The following RASGRP4 variants were observed in gnomAD, a reference collection of about 807,000 sequenced individuals.
The protein encoded by RASGRP4 is RAS guanyl releasing protein 4.
RASGRP4 carries 52 observed loss-of-function variants against 84.4 expected under a neutral mutation model. The observed-to-expected ratio is 0.62, with a 90% CI of 0.49 to 0.78. The LOEUF is 0.78. Among genes scored for constraint, RASGRP4 ranks in the 30% least tolerant of loss-of-function variants. RASGRP4 has a pLI of 0.00. For missense variants in RASGRP4, 760 were observed against 886.9 expected, an observed-to-expected ratio of 0.86 and a Z score of 1.82; for synonymous variants, 356 against 359.1, an observed-to-expected ratio of 0.99 and a Z score of 0.10.
rs2145237581 is a variant in RASGRP4, at chr19:38,422,126, T to A, written c.51A>T (p.Lys17Asn). The change falls in exon 2 of 17, where the codon AAA (lysine) becomes AAT (asparagine). Residue 17 changes from lysine (K) to asparagine (N), a missense_variant. By Grantham distance (94) the Lys-to-Asn change is moderately conservative. Coordinates refer to ENST00000615439, the MANE Select transcript of RASGRP4 (RefSeq NM_170604.3). ...GGCGGGGCCGGCCTCGCCCTCCTATTTTTCCGGTGCATTCCTGGTGGGACT... is the reference window on the plus strand; with the variant it reads ...GGCGGGGCCGGCCTCGCCCTCCTATATTTCCGGTGCATTCCTGGTGGGACT... ...KRKSHQECTG[K>N]IGGRGRPRQV... 6.2e-7 allele frequency: 1 copy of A among 1,611,756 alleles called. No individual in the cohort carries two copies. Among genetic ancestry groups the A allele is most frequent in the Middle Eastern group, 1.7e-4 (1 of 6,052 alleles).
In RASGRP4 at chr19:38,411,117, C is replaced by T. The variant is rs1424343640; in HGVS notation, c.1850G>A (p.Cys617Tyr). 2.5e-6 allele frequency: 4 copies of T among 1,613,408 alleles called. No individual in the cohort carries two copies. Among genetic ancestry groups the T allele is most frequent in the Non-Finnish European group, 3.4e-6 (4 of 1,179,644 alleles). Residue 617 changes from cysteine to tyrosine, a missense_variant and splice_region_variant, in exon 15 of 17, where the codon TGT becomes TAT. By Grantham distance (194) the Cys-to-Tyr change is radical. Transcript: ENST00000615439. ...CACCGGTGTGCTCTAGGTCTTACCA[C>T]AGCTGGCATGGGGAGCTGGTGTGGA... Reference protein sequence around the residue: ...VPSTPAPHASCGSEENHSYTL... With the variant: ...VPSTPAPHASYGSEENHSYTL...
In RASGRP4 at chr19:38,417,022, T is replaced by G; in HGVS notation, c.954+30A>C. ...TGGGGGCTCAAGACAGCTGACCACTTGGAGCTTTGGGGAGGGTAGTGGGAT... is the reference window on the plus strand; with the variant it reads ...TGGGGGCTCAAGACAGCTGACCACTGGGAGCTTTGGGGAGGGTAGTGGGAT... On this transcript the variant is annotated intron_variant, in intron 8 of 16. Coordinates refer to ENST00000615439, the MANE Select transcript of RASGRP4 (RefSeq NM_170604.3). This position sits in a 1 kb window ranked among gnomAD's most constrained non-coding sequence, Gnocchi z 5.1. 43 of 1,341,766 alleles carry G rather than the reference T, an allele frequency of 3.2e-5. No individual in the cohort carries two copies. Among genetic ancestry groups the G allele is most frequent in the Non-Finnish European group, 4.4e-5 (42 of 955,030 alleles). 83.1% of individuals were successfully genotyped at this position (1,341,766 alleles called of 1,614,324 possible). A position where few individuals can be genotyped will look rare whatever the true frequency, so the allele number is the denominator to read the frequency against.
At chr19:38,422,337 G>T (rs945146662) in intron 1 of RASGRP4, among the ~76,000 whole-genome samples, 184 bp from the exon 2 acceptor site, 8 of 152,188 alleles carry the variant, frequency 5.3e-5, no homozygotes, top group African/African-American at 1.9e-4. Context: ...ATCCCTGGGG[G>T]AATCATGGGA....
chr19:38,409,188 G>A lies in RASGRP4; in HGVS notation c.*852C>T, dbSNP rs1248904903. The A allele has an allele frequency of 1.6e-5, 4 of 255,478 alleles. No homozygotes were observed. The highest frequency in any genetic ancestry group is 2.2e-5 in the Non-Finnish European group (3 of 133,912). 15.8% of individuals were successfully genotyped at this position (255,478 alleles called of 1,614,324 possible). A position where few individuals can be genotyped will look rare whatever the true frequency, so the allele number is the denominator to read the frequency against. On this transcript the variant is annotated 3_prime_UTR_variant, in exon 17 of 17. Transcript: ENST00000615439. ...GGGACTGAATGGGCCCCTGCTGCTC[G>A]ACCCTCAAAGTTCTTTGCCCTATAG...
chr19:38,411,856 C>T (rs75709287), intron 13 of RASGRP4, among the ~76,000 whole-genome samples: 9,964 of 152,160 alleles, frequency 0.065, 367 homozygotes, highest in Middle Eastern at 0.099. Context: ...TTACCTGGCA[C>T]ACAGGAGGTG....
At position 38,417,827 on chromosome 19, in the gene RASGRP4, G is replaced by C. The variant is rs1971561822; in HGVS notation, c.837+564C>G. Among the ~76,000 whole-genome samples, 2 of 152,192 alleles carry C rather than the reference G, an allele frequency of 1.3e-5. No individual in the cohort carries two copies. The highest frequency in any genetic ancestry group is 1.3e-4 in the Admixed American group (2 of 15,282). On this transcript the variant is annotated intron_variant, in intron 7 of 16. Coordinates refer to ENST00000615439, the MANE Select transcript of RASGRP4 (RefSeq NM_170604.3). The surrounding 1 kb of genome is among the most constrained non-coding windows in gnomAD (Gnocchi z 5.1). ...GGGCCCTGCAGGAGTAAGCAAGCCAGGGAAGACACCAGAGGAAGGGCGTGG... is the reference window on the plus strand; with the variant it reads ...GGGCCCTGCAGGAGTAAGCAAGCCACGGAAGACACCAGAGGAAGGGCGTGG...
At chr19:38,422,643 A>G (rs543993632) in intron 1 of RASGRP4, among the ~76,000 whole-genome samples, 16 of 151,092 alleles carry the variant, frequency 1.1e-4, no homozygotes, top group African/African-American at 3.1e-4. Flanking sequence ...GCTGTTTATG[A>G]TGCCTGATGC....
chr19:38,416,280 A>G (rs1301636340), intron 8 of RASGRP4, among the ~76,000 whole-genome samples: 1 of 151,474 alleles, frequency 6.6e-6, no homozygotes, highest in East Asian at 2.0e-4. Context: ...CCTGGCCAAC[A>G]TGGTAAAACC....
In RASGRP4 at chr19:38,409,101, C is replaced by G; in HGVS notation, c.*939G>C. The G allele has an allele frequency of 2.7e-6, 1 of 364,638 alleles. No homozygotes were observed. The highest frequency in any genetic ancestry group is 4.7e-6 in the Non-Finnish European group (1 of 213,188). The allele number at this position is 364,638 out of a possible 1,614,324, so 22.6% of individuals were successfully genotyped here. The stretch of plus-strand genomic sequence containing the variant: ...TTTATGACAGCTGTAGGACCTCTCT[C>G]TGTGGGGGCCAAGTCAGGGGTGTTG... On this transcript the variant is annotated 3_prime_UTR_variant, in exon 17 of 17. Transcript: ENST00000615439.
Position 38,412,635 on chromosome 19 carries a change from A to C in RASGRP4, c.1680+37T>G. ...TTGCGGACTGCCGGCTTCAGGACAG[A>C]TGGAACCTAAGGGTGGTGATGGGGT... On this transcript the variant is annotated intron_variant, in intron 13 of 16. Transcript: ENST00000615439. The surrounding 1 kb of genome is among the most constrained non-coding windows in gnomAD (Gnocchi z 4.6). 6.3e-7 allele frequency: 1 copy of C among 1,599,894 alleles called. No individual in the cohort carries two copies. Among genetic ancestry groups the C allele is most frequent in the South Asian group, 1.1e-5 (1 of 89,432 alleles).
In RASGRP4 at chr19:38,409,921, G is replaced by A. The variant is rs1256448411; in HGVS notation, c.*119C>T. ...TGACGGACGTACCACTAAAGGCAGTGTGGATGGGAAGGCGGATGCCTCTGG... is the reference window on the plus strand; with the variant it reads ...TGACGGACGTACCACTAAAGGCAGTATGGATGGGAAGGCGGATGCCTCTGG... On this transcript the variant is annotated 3_prime_UTR_variant, in exon 17 of 17. Transcript: ENST00000615439. 1.5e-6 allele frequency: 1 copy of A among 689,092 alleles called. No individual in the cohort carries two copies. Among genetic ancestry groups the A allele is most frequent in the African/African-American group, 1.8e-5 (1 of 55,096 alleles). 42.7% of individuals were successfully genotyped at this position (689,092 alleles called of 1,614,324 possible).
rs114281049 is a variant in RASGRP4 at position 38,418,600 on chromosome 19, G to A, written c.664-36C>T. On this transcript the variant is annotated intron_variant, in intron 6 of 16. Coordinates refer to ENST00000615439, the MANE Select transcript of RASGRP4 (RefSeq NM_170604.3). This position sits in a 1 kb window ranked among gnomAD's most constrained non-coding sequence, Gnocchi z 4.6. ...GGTGGGTGTCAAGGTGGGCCGTGGC[G>A]CTCAGGCCCTGCCCTTCCATGGCAT... The A allele has an allele frequency of 9.9e-3, 14,558 of 1,473,056 alleles. 217 individuals are homozygous for A. Among genetic ancestry groups the A allele is most frequent in the East Asian group, 0.083 (3,326 of 39,894 alleles). 91.2% of individuals were successfully genotyped at this position (1,473,056 alleles called of 1,614,324 possible). A position where few individuals can be genotyped will look rare whatever the true frequency, so the allele number is the denominator to read the frequency against.
rs758325708 is a variant in RASGRP4, at chr19:38,426,078, T to A, written c.14A>T (p.Asp5Val). Residue 5 changes from aspartate to valine, a missense_variant, in exon 1 of 17, where the codon GAC becomes GTC. Asp to Val is a radical substitution (Grantham distance 152, BLOSUM62 -3). Transcript: ENST00000615439. Reference sequence around the variant, plus strand: ...GGGAGGGTCCTCTCACCTCTTACTGTCTTTTCTGTTCATGCTTCCCGCGTG... The same window carrying A: ...GGGAGGGTCCTCTCACCTCTTACTGACTTTTCTGTTCATGCTTCCCGCGTG... MNRKDSKRKSHQECT... is the reference protein window; with the variant it reads MNRKVSKRKSHQECT... The A allele has an allele frequency of 7.4e-7, 1 of 1,349,202 alleles. No homozygotes were observed. Among genetic ancestry groups the A allele is most frequent in the Non-Finnish European group, 9.6e-7 (1 of 1,041,174 alleles). The allele number at this position is 1,349,202 out of a possible 1,614,324, so 83.6% of individuals were successfully genotyped here.
At chr19:38,423,182 C>T (rs886372309) in intron 1 of RASGRP4, among the ~76,000 whole-genome samples, 2 of 152,102 alleles carry the variant, frequency 1.3e-5, no homozygotes, top group African/African-American at 2.4e-5. Flanking sequence ...TCAGGGCTCC[C>T]GTTTGGTCTC....
intron 1 of RASGRP4, among the ~76,000 whole-genome samples, chr19:38,424,529 C>T (rs1173882439): frequency 1.3e-5 from 2 of 151,780 alleles, no homozygotes; most frequent in Admixed American, 1.3e-4. Context: ...GAGTGATCCT[C>T]CTGCCTTAGT....
chr19:38,419,788 C>T, intron 6 of RASGRP4, 72 bp downstream of exon 6: 2 of 1,448,686 alleles, frequency 1.4e-6, no homozygotes, highest in Non-Finnish European at 1.9e-6. Flanking sequence ...TCAGTCCTAC[C>T]TTCCCCCAGC....
At position 38,422,490 on chromosome 19, in the gene RASGRP4, C is replaced by A. The variant is rs553453393; in HGVS notation, c.24-337G>T. 2.0e-5 allele frequency among the ~76,000 whole-genome samples: 3 copies of A among 152,306 alleles called. No individual in the cohort carries two copies. In the South Asian group the frequency reaches 6.2e-4, roughly 32 times the overall value. On this transcript the variant is annotated intron_variant, in intron 1 of 16. Transcript: ENST00000615439. ...GGCCTGTTAGGAACCAGCGGGCAAG[C>A]AAGCACCCCCGCCTGAGCTCCACCT...
At position 38,417,429 on chromosome 19, in the gene RASGRP4, G is replaced by A. The variant is rs1055623986; in HGVS notation, c.838-261C>T. Among the ~76,000 whole-genome samples, 2 of 152,172 alleles carry A rather than the reference G, an allele frequency of 1.3e-5. No individual in the cohort carries two copies. The highest frequency in any genetic ancestry group is 4.8e-5 in the African/African-American group (2 of 41,438). ...GAGGTTAGAAAATCTGGGGAGACAG[G>A]AAGTACGAGAAGTTGGGCGGATTTG... On this transcript the variant is annotated intron_variant, in intron 7 of 16. Transcript: ENST00000615439. This position sits in a 1 kb window ranked among gnomAD's most constrained non-coding sequence, Gnocchi z 5.1.
In RASGRP4 at chr19:38,422,093, G is replaced by T; in HGVS notation, c.84C>A (p.Arg28=). 1 of 1,613,432 alleles carries T rather than the reference G, an allele frequency of 6.2e-7. No homozygotes were observed. Among genetic ancestry groups the T allele is most frequent in the Non-Finnish European group, 8.5e-7 (1 of 1,179,740 alleles). The part of the protein sequence containing the change: ...IGGRGRPRQV[R]RHKTCPSPRE... The stretch of plus-strand genomic sequence containing the variant: ...GAGGGCTGGGGCATGTCTTGTGGCG[G>T]CGCACTTGGCGGGGCCGGCCTCGCC... The change falls in exon 2 of 17, where the codon CGC becomes CGA. Residue 28 remains arginine, a synonymous_variant. Coordinates refer to ENST00000615439, the MANE Select transcript of RASGRP4 (RefSeq NM_170604.3).
Sources: allele counts gnomAD v4.1 joint callset (sites outside exome capture counted in the v4.1 genomes callset), GRCh38; gene constraint gnomAD v4.1.1; non-coding constraint Gnocchi (gnomAD v3.1); transcripts MANE v1.5; gene names NCBI Gene and HGNC (gene_info 2026-07-23, HGNC 2026-07-21).